Variants in BCOR observed in about 807,000 individuals in gnomAD.
BCOR encodes BCL6 corepressor.
Under a neutral mutation model 86.7 loss-of-function variants are expected in BCOR, and 10 were observed. That is an observed-to-expected ratio of 0.12 (90% CI 0.07 to 0.20). BCOR has a LOEUF of 0.20. Ranked by LOEUF, BCOR falls within the 10% of genes least tolerant of loss-of-function variation. The pLI, the probability that BCOR is intolerant of heterozygous loss-of-function variation, is 1.00. For missense variants in BCOR, 1,259 were observed against 1,452.1 expected, an observed-to-expected ratio of 0.87 and a Z score of 2.16; for synonymous variants, 611 against 609.0, an observed-to-expected ratio of 1.00 and a Z score of -0.05.
chrX:40,105,171 C>T (rs1283722978), intron 1 of BCOR, among the ~76,000 whole-genome samples: 2 of 110,730 alleles, frequency 1.8e-5, no homozygotes, highest in Middle Eastern at 4.3e-3. Context: ...CTCCGGACCC[C>T]GCCTCCCCGC....
chrX:40,140,748 C>G (rs1217311906), intron 1 of BCOR, among the ~76,000 whole-genome samples: 1 of 113,172 alleles, frequency 8.8e-6, no homozygotes, highest in African/African-American at 3.2e-5. Flanking sequence ...GTTCACCATC[C>G]ACGAAGGACC....
intron 1 of BCOR, among the ~76,000 whole-genome samples, chrX:40,137,948 C>T (rs1040314448): frequency 9.0e-6 from 1 of 111,323 alleles, no homozygotes; most frequent in African/African-American, 3.3e-5. Context: ...GACTTTCCCT[C>T]CAAATATCTT....
chrX:40,134,201 T>G (rs1308211798), intron 1 of BCOR, among the ~76,000 whole-genome samples: 1 of 107,004 alleles, frequency 9.3e-6, no homozygotes, highest in Non-Finnish European at 1.9e-5. Context: ...GCCCCAGGGG[T>G]GTGCTCTGTG....
At chrX:40,071,844 C>G in intron 4 of BCOR, 154 bp from the exon 5 acceptor site, 3 of 458,602 alleles carry the variant, frequency 6.5e-6, no homozygotes. Context: ...TCCTATACAA[C>G]ATCTATCATA....
Position 40,073,709 on chromosome X carries a change from C to T in BCOR, c.1637G>A (p.Arg546His), listed in dbSNP as rs866627719. Reference protein sequence around the residue: ...IPQQRSSSCPRMGGTDAVITN... With the variant: ...IPQQRSSSCPHMGGTDAVITN... ...GATGACAGCATCGGTGCCGCCCATG[C>T]GCGGGCATGATGAACTCCGCTGCTG... Residue 546 changes from arginine (R) to histidine (H), a missense_variant, in exon 4 of 15, where the codon CGC (arginine) becomes CAC (histidine). Arg to His is a conservative substitution (Grantham distance 29). Transcript: ENST00000378444. 1 of 1,212,561 alleles carries T rather than the reference C, an allele frequency of 8.2e-7. No homozygotes were observed. Among genetic ancestry groups the T allele is most frequent in the Non-Finnish European group, 1.1e-6 (1 of 895,685 alleles).
At chrX:40,081,422 T>C (rs1338639171) in intron 1 of BCOR, among the ~76,000 whole-genome samples, 2 of 112,274 alleles carry the variant, frequency 1.8e-5, no homozygotes. Flanking sequence ...AAGCTGCTGT[T>C]GAAATAGCTG....
chrX:40,129,730 G>A (rs1282460590), intron 1 of BCOR, among the ~76,000 whole-genome samples: 1 of 110,408 alleles, frequency 9.1e-6, no homozygotes. Context: ...AGCAGGAGTG[G>A]TGGCTCTGCC....
In BCOR at chrX:40,064,590, C is replaced by T. The variant is rs1935104048; in HGVS notation, c.3248G>A (p.Ser1083Asn). The stretch of plus-strand genomic sequence containing the variant: ...GGGATCACGGTGCTTGTTTCCAACA[C>T]TATACTCGCCTGGGGGAGGGGAGAC... ...EQNESERCEY[S>N]VGNKHRDPFE... The change falls in exon 7 of 15, where the codon AGT becomes AAT. Residue 1083 changes from serine (S) to asparagine (N), a missense_variant. Ser to Asn is a conservative substitution (Grantham distance 46). Around this residue, in one of 7 missense-constraint regions of BCOR, gnomAD observed 305 missense variants for 286.1 expected, o/e 1.07. Transcript: ENST00000378444. The T allele has an allele frequency of 8.3e-7, 1 of 1,211,408 alleles. No homozygotes were observed. The highest frequency in any genetic ancestry group is 1.1e-6 in the Non-Finnish European group (1 of 895,219).
intron 1 of BCOR, among the ~76,000 whole-genome samples, chrX:40,176,317 C>T (rs1222358297): frequency 8.9e-6 from 1 of 112,576 alleles, no homozygotes; most frequent in African/African-American, 3.2e-5. Context: ...CTCCGGCTTG[C>T]ACCCCCGCGA....
intron 1 of BCOR, among the ~76,000 whole-genome samples, chrX:40,137,028 T>C (rs1335519228): frequency 8.9e-6 from 1 of 111,840 alleles, no homozygotes; most frequent in East Asian, 2.8e-4. Flanking sequence ...TCAGGGGCTG[T>C]CCTCAACCAT....
At chrX:40,165,496 G>C (rs1306726035) in intron 1 of BCOR, among the ~76,000 whole-genome samples, 2 of 112,213 alleles carry the variant, frequency 1.8e-5, no homozygotes, top group Non-Finnish European at 3.8e-5. Context: ...GAGAGTCCAA[G>C]GGTCTAGGAC....
At chrX:40,096,944 C>G (rs1163711162) in intron 1 of BCOR, among the ~76,000 whole-genome samples, 1 of 112,678 alleles carries the variant, frequency 8.9e-6, no homozygotes, top group Non-Finnish European at 1.9e-5. Flanking sequence ...TGCTCTCCTC[C>G]TGGCCCACCG....
chrX:40,155,244 A>T (rs1305653292), intron 1 of BCOR, among the ~76,000 whole-genome samples: 1 of 112,775 alleles, frequency 8.9e-6, no homozygotes, highest in Non-Finnish European at 1.9e-5. Context: ...CGGCTCTCGC[A>T]GACGGAAGGC....
chrX:40,091,840 G>A (rs951091796), intron 1 of BCOR, among the ~76,000 whole-genome samples: 7 of 113,319 alleles, frequency 6.2e-5, no homozygotes, highest in Middle Eastern at 4.6e-3. Flanking sequence ...ATAAACACTG[G>A]CAAAGAAGCC....
intron 13 of BCOR, 49 bp downstream of exon 13, chrX:40,054,207 C>G (rs1244075708): frequency 8.7e-7 from 1 of 1,153,927 alleles, no homozygotes; most frequent in East Asian, 3.0e-5. Context: ...CAGAAATGGA[C>G]TTGAACTTGT....
intron 1 of BCOR, among the ~76,000 whole-genome samples, chrX:40,140,597 G>A (rs1937901664): frequency 8.9e-6 from 1 of 112,760 alleles, no homozygotes; most frequent in Non-Finnish European, 1.9e-5. Context: ...ATCTCTCTTG[G>A]GGAGACTTTA....
At chrX:40,083,946 G>C (rs1028461556) in intron 1 of BCOR, among the ~76,000 whole-genome samples, 1 of 112,095 alleles carries the variant, frequency 8.9e-6, no homozygotes, top group Non-Finnish European at 1.9e-5. Flanking sequence ...CTGACGAAAA[G>C]AAACTTTGGG....
chrX:40,121,051 A>C (rs1362062675), intron 1 of BCOR, among the ~76,000 whole-genome samples: 1 of 111,506 alleles, frequency 9.0e-6, no homozygotes, highest in African/African-American at 3.3e-5. Context: ...TTTAAGGAAC[A>C]ACCAGGATTC....
At position 40,073,552 on chromosome X, in the gene BCOR, C is replaced by G; in HGVS notation, c.1794G>C (p.Val598=). ...TGGCAGGAGTGGCCGGGGGCTGGCC[C>G]ACGTGCTGAATAACGGATGGTGTGG... ...VETTPSVIQH[V]GQPPATPAKH... The change falls in exon 4 of 15, where the codon GTG becomes GTC. Residue 598 remains valine, a synonymous_variant. Coordinates refer to ENST00000378444, the MANE Select transcript of BCOR (RefSeq NM_001123385.2). The G allele has an allele frequency of 8.2e-7, 1 of 1,212,178 alleles. No homozygotes were observed. The highest frequency in any genetic ancestry group is 1.1e-6 in the Non-Finnish European group (1 of 895,657).
Sources: gnomAD v4.1 joint callset for allele counts (sites outside exome capture counted in the v4.1 genomes callset) on GRCh38, gnomAD v4.1.1 for gene constraint, gnomAD v4.1.1 regional missense constraint, MANE v1.5 for transcripts, NCBI Gene and HGNC (gene_info 2026-07-23, HGNC 2026-07-21) for gene names.